The following NPAS3 variants were observed in gnomAD, a reference collection of about 807,000 sequenced individuals.
NPAS3 encodes neuronal PAS domain-containing protein 3.
Under a neutral mutation model 73.1 loss-of-function variants are expected in NPAS3, and 14 were observed. That is an observed-to-expected ratio of 0.19 (90% CI 0.13 to 0.30). The LOEUF (loss-of-function observed/expected upper bound fraction) is 0.30, where lower values mean the gene tolerates loss of function less well. Ranked by LOEUF, NPAS3 falls within the 10% of genes least tolerant of loss-of-function variation. The pLI is 1.00. For missense variants in NPAS3, 1,096 were observed against 1,250.0 expected (o/e 0.88, Z 1.86); for synonymous variants, 620 against 541.5 (o/e 1.14, Z -2.01).
chr14:32,974,610 CCAAA>C (rs938341975), intron 1 of NPAS3, among the ~76,000 whole-genome samples: 1 of 151,962 alleles, frequency 6.6e-6, no homozygotes, highest in African/African-American at 2.4e-5. Flanking sequence ...GGTTTAACAA[CCAAA>C]CAAAGACAGA....
intron 3 of NPAS3, among the ~76,000 whole-genome samples, chr14:33,356,456 G>A (rs992296478): frequency 3.3e-5 from 5 of 152,212 alleles, no homozygotes; most frequent in Non-Finnish European, 5.9e-5. Context: ...GCAGTTTTGT[G>A]AATAAACCAA....
chr14:32,985,739 T>C (rs2038070608), intron 1 of NPAS3, among the ~76,000 whole-genome samples: 1 of 152,088 alleles, frequency 6.6e-6, no homozygotes, highest in Admixed American at 6.5e-5. Context: ...AGTTGATTTC[T>C]GTATTTAACA....
At chr14:33,734,387 T>C (rs977422014) in intron 6 of NPAS3, among the ~76,000 whole-genome samples, 11 of 152,196 alleles carry the variant, frequency 7.2e-5, no homozygotes, top group Admixed American at 6.5e-5. Context: ...AAGGTGTTTT[T>C]ACATCAGCAA....
At chr14:33,220,050 C>T (rs1340816560) in intron 3 of NPAS3, among the ~76,000 whole-genome samples, 1 of 152,196 alleles carries the variant, frequency 6.6e-6, no homozygotes, top group Non-Finnish European at 1.5e-5. Context: ...AGAATCAGTA[C>T]ATGGCCATGG....
intron 5 of NPAS3, among the ~76,000 whole-genome samples, chr14:33,642,225 T>A (rs2058693733): frequency 6.6e-6 from 1 of 152,188 alleles, no homozygotes; most frequent in African/African-American, 2.4e-5. Flanking sequence ...GAGCTCTAGC[T>A]TTAGAGAGGA....
intron 2 of NPAS3, among the ~76,000 whole-genome samples, chr14:33,122,588 A>G (rs562920554): frequency 3.9e-5 from 6 of 152,248 alleles, no homozygotes; most frequent in African/African-American, 1.2e-4. Flanking sequence ...GTTTTAAGGA[A>G]CCTGTGATCC....
intron 7 of NPAS3, among the ~76,000 whole-genome samples, chr14:33,760,307 C>T (rs1242326374): frequency 6.6e-6 from 1 of 152,170 alleles, no homozygotes; most frequent in African/African-American, 2.4e-5. Flanking sequence ...CCAGAGCAGC[C>T]ATTTAAATCA....
chr14:33,742,365 C>G (rs542381275), intron 7 of NPAS3, among the ~76,000 whole-genome samples: 1 of 152,224 alleles, frequency 6.6e-6, no homozygotes, highest in South Asian at 2.1e-4. Flanking sequence ...GTTCCGACCA[C>G]GACAATAAAA....
intron 2 of NPAS3, among the ~76,000 whole-genome samples, chr14:33,193,371 T>C (rs1235514820): frequency 6.6e-6 from 1 of 152,158 alleles, no homozygotes; most frequent in East Asian, 1.9e-4. Context: ...ATTGAAGTGA[T>C]TATCTTAGAA....
At chr14:32,982,107 T>C (rs1328717689) in intron 1 of NPAS3, among the ~76,000 whole-genome samples, 1 of 152,184 alleles carries the variant, frequency 6.6e-6, no homozygotes, top group Non-Finnish European at 1.5e-5. Flanking sequence ...ATTCTCATAC[T>C]CCTGGAGTCT....
At chr14:33,286,703 G>GT (rs2041890059) in intron 3 of NPAS3, among the ~76,000 whole-genome samples, 1 of 151,714 alleles carries the variant, frequency 6.6e-6, no homozygotes, top group Non-Finnish European at 1.5e-5. Flanking sequence ...TTTCTTCTTA[G>GT]TTTTTTTATT....
At chr14:33,047,006 A>C (rs2138457417) in intron 1 of NPAS3, among the ~76,000 whole-genome samples, 1 of 152,154 alleles carries the variant, frequency 6.6e-6, no homozygotes, top group African/African-American at 2.4e-5. Context: ...TAGGGAGGCA[A>C]GGTGATGGGT....
chr14:33,266,347 CCTT>C (rs2040815291), intron 3 of NPAS3, among the ~76,000 whole-genome samples: 1 of 152,120 alleles, frequency 6.6e-6, no homozygotes, highest in South Asian at 2.1e-4. Flanking sequence ...CCAAAATTAT[CCTT>C]CTTGTAGGAG....
At chr14:33,351,890 C>T (rs1195368129) in intron 3 of NPAS3, among the ~76,000 whole-genome samples, 1 of 151,998 alleles carries the variant, frequency 6.6e-6, no homozygotes, top group Non-Finnish European at 1.5e-5. Flanking sequence ...CACACCGGGG[C>T]CTGTTGGTGG....
At chr14:32,979,341 A>G (rs1044883824) in intron 1 of NPAS3, among the ~76,000 whole-genome samples, 8 of 152,240 alleles carry the variant, frequency 5.3e-5, no homozygotes, top group African/African-American at 1.7e-4. Context: ...TAAAATTTAA[A>G]TAAGATTTAG....
chr14:33,589,713 T>G (rs560451243), intron 5 of NPAS3, among the ~76,000 whole-genome samples: 1 of 152,332 alleles, frequency 6.6e-6, no homozygotes, highest in Admixed American at 6.5e-5. Flanking sequence ...TTGATAAATT[T>G]TAGGACATTG....
chr14:32,972,617 C>T (rs1458055478), intron 1 of NPAS3, among the ~76,000 whole-genome samples: 1 of 152,180 alleles, frequency 6.6e-6, no homozygotes, highest in African/African-American at 2.4e-5. Flanking sequence ...CAGCAGGTTG[C>T]CCCTGCTCAC....
chr14:33,095,657 C>CTTTTTTTTTTTTTTTTTTTTTTTTT (rs201283993), intron 2 of NPAS3, among the ~76,000 whole-genome samples: 3 of 97,678 alleles, frequency 3.1e-5, no homozygotes, highest in Admixed American at 1.2e-4. Flanking sequence ...GCATTCTCTG[C>CTTTTTTTTTTTTTTTTTTTTTTTTT]TTTTATTTTT....
chr14:33,772,575 T>C (rs1026039065), intron 7 of NPAS3, among the ~76,000 whole-genome samples: 3 of 152,202 alleles, frequency 2.0e-5, no homozygotes, highest in Non-Finnish European at 4.4e-5. Context: ...TATAGATCTG[T>C]GTTTTTCCAA....
Sources: gnomAD v4.1 joint callset for allele counts (sites outside exome capture counted in the v4.1 genomes callset) on GRCh38, gnomAD v4.1.1 for gene constraint, MANE v1.5 for transcripts, NCBI Gene and HGNC (gene_info 2026-07-23, HGNC 2026-07-21) for gene names.